Variants in DCTN2 observed in about 807,000 individuals in gnomAD.
DCTN2 encodes the protein 50 kDa dynein-associated polypeptide.
In DCTN2, 18 loss-of-function variants were observed where a neutral mutation model predicts 55.4. The observed-to-expected ratio is 0.32, with a 90% CI of 0.22 to 0.48. The LOEUF (loss-of-function observed/expected upper bound fraction) is 0.48, where lower values mean the gene tolerates loss of function less well. DCTN2 is among the 20% of genes least tolerant of loss of function. The probability of loss-of-function intolerance (pLI) is 0.99; values close to 1 mark genes in which losing one functional copy is unlikely to be tolerated. For synonymous variants in DCTN2, 168 were observed against 185.2 expected (o/e 0.91, Z 0.76); for missense variants, 390 against 491.0 (o/e 0.79, Z 1.94).
At position 57,532,288 on chromosome 12, in the gene DCTN2, G is replaced by T; in HGVS notation, c.952C>A (p.Arg318Ser). 1 of 1,562,550 alleles carries T rather than the reference G, an allele frequency of 6.4e-7. No individual in the cohort carries two copies. The highest frequency in any genetic ancestry group is 8.7e-7 in the Non-Finnish European group (1 of 1,152,886). Residue 318 changes from arginine to serine, a missense_variant, in exon 12 of 14, where the codon CGC (arginine) becomes AGC (serine). By Grantham distance (110) the Arg-to-Ser change is moderately radical. Coordinates refer to ENST00000548249, the MANE Select transcript of DCTN2 (RefSeq NM_001261413.2). ...KVHQLYETIQ[R>S]WSPIASTLPE... ...AGGGTGGAGGCAATGGGGCTCCAGCGCTGTATAGTTTCATATAGCTGGTGC... is the reference window on the plus strand; with the variant it reads ...AGGGTGGAGGCAATGGGGCTCCAGCTCTGTATAGTTTCATATAGCTGGTGC...
intron 2 of DCTN2, among the ~76,000 whole-genome samples, chr12:57,545,143 T>C (rs914113502): frequency 5.9e-5 from 9 of 152,216 alleles, no homozygotes; most frequent in African/African-American, 2.2e-4. Flanking sequence ...CATATTGCAA[T>C]GACTCTTGGA....
intron 7 of DCTN2, 82 bp downstream of exon 7, chr12:57,533,871 C>T: frequency 7.0e-7 from 1 of 1,419,760 alleles, no homozygotes; most frequent in Non-Finnish European, 9.5e-7. Context: ...CTTCCCAGCA[C>T]CCTCTCCTTG....
chr12:57,546,769 G>C (rs1743075820), intron 1 of DCTN2, among the ~76,000 whole-genome samples: 1 of 152,350 alleles, frequency 6.6e-6, no homozygotes. Flanking sequence ...TCAGGCACAA[G>C]AGGTCAGTAC....
At chr12:57,538,656 TC>T (rs1880446996) in intron 2 of DCTN2, 1 of 663,494 alleles carries the variant, frequency 1.5e-6, no homozygotes, top group South Asian at 1.5e-5. Context: ...ATGACAGTCT[TC>T]CAACACACTG....
In DCTN2 at chr12:57,532,767, A is replaced by G; in HGVS notation, c.818T>C (p.Leu273Pro). 1 of 1,613,934 alleles carries G rather than the reference A, an allele frequency of 6.2e-7. No individual in the cohort carries two copies. Among genetic ancestry groups the G allele is most frequent in the Non-Finnish European group, 8.5e-7 (1 of 1,179,876 alleles). Residue 273 changes from leucine (L) to proline (P), a missense_variant, in exon 10 of 14, where the codon CTT (leucine) becomes CCT (proline). Leu to Pro is a moderately conservative substitution (Grantham distance 98, BLOSUM62 -3). Transcript: ENST00000548249. ...LLQAKVSALD[L>P]AVLDQVEARL... ...AGCCTCCACTTGATCCAAAACTGCA[A>G]GGTCTAGGGCGCTCACCTTTGCTTG...
chr12:57,544,271 A>G lies in DCTN2; in HGVS notation c.105+1757T>C, dbSNP rs531996774. The G allele has an allele frequency of 6.6e-5, 23 of 347,940 alleles. No homozygotes were observed. In the Middle Eastern group the frequency reaches 3.1e-3, roughly 47 times the overall value. 21.6% of individuals were successfully genotyped at this position (347,940 alleles called of 1,614,324 possible). On this transcript the variant is annotated intron_variant, in intron 2 of 13. Transcript: ENST00000548249. ...GTTCCCATCTTCTATATAAATTGGC[A>G]TAGTAACTGCATATAACCTACCTAC... is the stretch of plus-strand genomic sequence containing the variant.
chr12:57,538,666 T>G (rs1020242591), intron 2 of DCTN2: 1 of 649,176 alleles, frequency 1.5e-6, no homozygotes, highest in East Asian at 2.8e-5. Flanking sequence ...TCCAACACAC[T>G]GCACCACAGG....
chr12:57,536,108 C>T, intron 2 of DCTN2: 2 of 464,738 alleles, frequency 4.3e-6, no homozygotes, highest in East Asian at 3.4e-5. Flanking sequence ...CCTCTCTGTA[C>T]ATAAGCCTTC....
rs764401715 is a variant in DCTN2, at chr12:57,532,987, G to A, written c.771C>T (p.Leu257=). 6.2e-7 allele frequency: 1 copy of A among 1,604,082 alleles called. No homozygotes were observed. The highest frequency in any genetic ancestry group is 8.5e-7 in the Non-Finnish European group (1 of 1,175,384). Residue 257 remains leucine (L), a synonymous_variant, in exon 9 of 14, where the codon CTC becomes CTT. Coordinates refer to ENST00000548249, the MANE Select transcript of DCTN2 (RefSeq NM_001261413.2). ...CTCCAGTTTCTTCCAAACTCACCAT[G>A]AGACAGGCTCCCTGTAGACCTGCAG... ...PLSAGLQGAC[L]METVELLQAK...
intron 9 of DCTN2, 29 bp from the exon 10 acceptor site, chr12:57,532,839 T>C (rs754280347): frequency 6.2e-6 from 10 of 1,613,588 alleles, no homozygotes; most frequent in African/African-American, 5.3e-5. Context: ...ACAAGCATCA[T>C]GAAGAGGAAA....
intron 5 of DCTN2, chr12:57,534,836 T>A (rs1880092299): frequency 4.5e-6 from 2 of 447,450 alleles, no homozygotes; most frequent in Non-Finnish European, 8.0e-6. Flanking sequence ...CTGGCTAAGT[T>A]TTTGTATTTT....
chr12:57,541,233 C>T lies in DCTN2; in HGVS notation c.105+4795G>A, dbSNP rs1045739746. On this transcript the variant is annotated intron_variant, in intron 2 of 13. Transcript: ENST00000548249. The stretch of plus-strand genomic sequence containing the variant: ...TCTTTAAACATAAGGCCAGCAGGCC[C>T]CTCAGTGACCCAGCCAGGGACTCAC... The T allele has an allele frequency of 6.5e-5, 67 of 1,033,880 alleles. 2 individuals are homozygous for T. In the South Asian group the frequency reaches 1.0e-3, roughly 16 times the overall value. 64.0% of individuals were successfully genotyped at this position (1,033,880 alleles called of 1,614,324 possible).
chr12:57,535,977 C>A (rs1880201282), intron 2 of DCTN2, 132 bp from the exon 3 acceptor site: 2 of 694,756 alleles, frequency 2.9e-6, no homozygotes, highest in African/African-American at 1.8e-5. Context: ...TGGCTCTATT[C>A]CAAGGCGCCT....
chr12:57,540,208 T>A, intron 2 of DCTN2: 1 of 876,082 alleles, frequency 1.1e-6, no homozygotes, highest in Non-Finnish European at 1.4e-6. Flanking sequence ...TTTCTCTGAT[T>A]TGTCCCACCA....
chr12:57,539,056 T>C (rs1880480249), intron 2 of DCTN2, among the ~76,000 whole-genome samples: 1 of 152,168 alleles, frequency 6.6e-6, no homozygotes, highest in African/African-American at 2.4e-5. Flanking sequence ...TGTGAAAAAT[T>C]AGACATTTGG....
intron 2 of DCTN2, chr12:57,543,759 A>G (rs1192535242): frequency 1.9e-5 from 24 of 1,279,270 alleles, no homozygotes; most frequent in Non-Finnish European, 2.4e-5. Flanking sequence ...GACAGAAACA[A>G]TTCAGCTCTT....
At chr12:57,536,155 C>G (rs1488051685) in intron 2 of DCTN2, 3 of 335,728 alleles carry the variant, frequency 8.9e-6, no homozygotes, top group Non-Finnish European at 1.6e-5. Flanking sequence ...TTGTCTGGCA[C>G]ACGCCATGCA....
intron 2 of DCTN2, among the ~76,000 whole-genome samples, chr12:57,536,371 AAAG>A (rs1725203120): frequency 6.6e-6 from 1 of 152,248 alleles, no homozygotes; most frequent in African/African-American, 2.4e-5. Flanking sequence ...CTTAGTACAA[AAAG>A]AAGGCCGACA....
At chr12:57,546,614 G>T (rs1004946413) in intron 1 of DCTN2, among the ~76,000 whole-genome samples, 4 of 152,002 alleles carry the variant, frequency 2.6e-5, no homozygotes, top group Non-Finnish European at 5.9e-5. Context: ...GGCACAAGAG[G>T]GTTCTGCCAG....
Sources: allele counts gnomAD v4.1 joint callset (sites outside exome capture counted in the v4.1 genomes callset), GRCh38; gene constraint gnomAD v4.1.1; transcripts MANE v1.5; gene names NCBI Gene and HGNC (gene_info 2026-07-23, HGNC 2026-07-21).